Variants in MBD5 observed in about 807,000 individuals in gnomAD.
The protein encoded by MBD5 is methyl-CpG-binding domain protein 5.
Under a neutral mutation model 117.3 loss-of-function variants are expected in MBD5, and 13 were observed. The ratio of observed to expected loss-of-function variants is 0.11; its 90% CI spans 0.07 to 0.18. The LOEUF (loss-of-function observed/expected upper bound fraction) is 0.18. Ranked by LOEUF, MBD5 falls within the 10% of genes least tolerant of loss-of-function variation. MBD5 has a pLI of 1.00. For missense variants in MBD5, 1,879 were observed against 2,093.8 expected (o/e 0.90, Z 2.00); for synonymous variants, 727 against 766.4 (o/e 0.95, Z 0.85).
chr2:148,320,533 T>A (rs1050602507), intron 3 of MBD5, among the ~76,000 whole-genome samples: 8 of 152,104 alleles, frequency 5.3e-5, no homozygotes, highest in African/African-American at 1.9e-4. Flanking sequence ...TTTTTGTATT[T>A]TTTGTAGAGA....
chr2:148,322,954 CATCTAGCATTAGGTAT>C (rs1403058618), intron 3 of MBD5, among the ~76,000 whole-genome samples: 12 of 150,128 alleles, frequency 8.0e-5, no homozygotes, highest in Non-Finnish European at 1.6e-4. Flanking sequence ...ACTAACTCGT[CATCTAGCATTAGGTAT>C]ATCTCCCAAT....
At chr2:148,441,137 G>A (rs1706308984) in intron 4 of MBD5, among the ~76,000 whole-genome samples, 1 of 151,726 alleles carries the variant, frequency 6.6e-6, no homozygotes, top group Non-Finnish European at 1.5e-5. Context: ...TAAGTTCTAG[G>A]GTACATGTGC....
chr2:148,463,633 T>A, intron 6 of MBD5, 106 bp from the exon 7 acceptor site: 1 of 1,337,186 alleles, frequency 7.5e-7, no homozygotes, highest in Non-Finnish European at 1.1e-6. Flanking sequence ...AAAGTTTTAT[T>A]CAGATTTATG....
chr2:148,445,019 T>A (rs930788077), intron 4 of MBD5, among the ~76,000 whole-genome samples: 1 of 151,222 alleles, frequency 6.6e-6, no homozygotes, highest in Non-Finnish European at 1.5e-5. Context: ...TGCTCCTTTG[T>A]CTCTCTTGGC....
At chr2:148,209,084 A>G (rs1195169246) in intron 2 of MBD5, among the ~76,000 whole-genome samples, 2 of 152,192 alleles carry the variant, frequency 1.3e-5, no homozygotes, top group Non-Finnish European at 2.9e-5. Context: ...TTTTGATTTT[A>G]CCATGAATAG....
At chr2:148,105,690 T>G (rs1696353314) in intron 1 of MBD5, among the ~76,000 whole-genome samples, 2 of 152,106 alleles carry the variant, frequency 1.3e-5, no homozygotes, top group African/African-American at 4.8e-5. Context: ...TCTATATCAT[T>G]AATTTATCTT....
At chr2:148,063,054 T>G (rs908297124) in intron 1 of MBD5, among the ~76,000 whole-genome samples, 9 of 152,160 alleles carry the variant, frequency 5.9e-5, no homozygotes, top group African/African-American at 2.2e-4. Flanking sequence ...CACTTTATGT[T>G]TTAGTATTCA....
At chr2:148,352,521 C>G (rs1315948644) in intron 4 of MBD5, among the ~76,000 whole-genome samples, 10 of 151,970 alleles carry the variant, frequency 6.6e-5, no homozygotes, top group African/African-American at 2.4e-4. Flanking sequence ...ACCCATTTCC[C>G]TTCCCTCACC....
chr2:148,311,163 G>A (rs1415499906), intron 3 of MBD5, among the ~76,000 whole-genome samples: 4 of 151,910 alleles, frequency 2.6e-5, no homozygotes, highest in South Asian at 2.1e-4. Flanking sequence ...CTATTAGGTC[G>A]GCTTGGTCCA....
chr2:148,343,061 GA>G (rs1185306936), intron 4 of MBD5, among the ~76,000 whole-genome samples: 2 of 151,978 alleles, frequency 1.3e-5, no homozygotes, highest in African/African-American at 4.8e-5. Flanking sequence ...ATTATCTTAG[GA>G]TAATGGCCTC....
At chr2:148,164,210 T>C (rs549860784) in intron 1 of MBD5, among the ~76,000 whole-genome samples, 43 of 152,326 alleles carry the variant, frequency 2.8e-4, no homozygotes, top group Admixed American at 5.2e-4. Context: ...GTAGCCTCTA[T>C]AACTCCAAGC....
chr2:148,182,656 T>C (rs1048264301), intron 2 of MBD5, among the ~76,000 whole-genome samples: 2 of 152,356 alleles, frequency 1.3e-5, no homozygotes, highest in Middle Eastern at 3.4e-3. Flanking sequence ...TGAGGACATA[T>C]CTTTGACAAT....
intron 4 of MBD5, among the ~76,000 whole-genome samples, chr2:148,435,887 A>T (rs1323857841): frequency 1.3e-5 from 2 of 152,174 alleles, no homozygotes; most frequent in Non-Finnish European, 2.9e-5. Flanking sequence ...CTGTGTCCAA[A>T]AGGAAATGCA....
At chr2:148,324,962 G>A (rs1297948944) in intron 3 of MBD5, among the ~76,000 whole-genome samples, 1 of 152,118 alleles carries the variant, frequency 6.6e-6, no homozygotes, top group East Asian at 1.9e-4. Context: ...TATGATATTG[G>A]CTGTGGGTTT....
chr2:148,234,250 C>G (rs928642700), intron 3 of MBD5, among the ~76,000 whole-genome samples: 1 of 151,920 alleles, frequency 6.6e-6, no homozygotes, highest in Admixed American at 6.6e-5. Context: ...TACAAAGAAA[C>G]TATATATATA....
At chr2:148,474,391 A>G (rs183710855) in intron 8 of MBD5, among the ~76,000 whole-genome samples, 68 of 152,296 alleles carry the variant, frequency 4.5e-4, no homozygotes, top group African/African-American at 1.6e-3. Flanking sequence ...ATTTTCAAAG[A>G]AGGAAAAAGA....
intron 4 of MBD5, among the ~76,000 whole-genome samples, chr2:148,353,794 T>G (rs1019091993): frequency 6.6e-6 from 1 of 152,096 alleles, no homozygotes; most frequent in African/African-American, 2.4e-5. Context: ...TTGCCCAGGC[T>G]GATCTCAAAC....
At chr2:148,368,644 G>A (rs963796867) in intron 4 of MBD5, among the ~76,000 whole-genome samples, 11 of 151,816 alleles carry the variant, frequency 7.2e-5, no homozygotes, top group African/African-American at 2.4e-4. Context: ...GCCAAATGTG[G>A]GGCAATTTGA....
chr2:148,212,808 CCTTT>C (rs1365583704), intron 2 of MBD5, among the ~76,000 whole-genome samples: 7 of 151,978 alleles, frequency 4.6e-5, no homozygotes, highest in African/African-American at 7.3e-5. Context: ...TTCACTAGAC[CCTTT>C]CTTTCTTCTC....
Sources: gnomAD v4.1 joint callset for allele counts (sites outside exome capture counted in the v4.1 genomes callset) on GRCh38, gnomAD v4.1.1 for gene constraint, MANE v1.5 for transcripts, NCBI Gene and HGNC (gene_info 2026-07-23, HGNC 2026-07-21) for gene names.